Variants in IQSEC1 observed in about 807,000 individuals in gnomAD.
IQSEC1 encodes IQ motif and Sec7 domain ArfGEF 1.
Under a neutral mutation model 91.0 loss-of-function variants are expected in IQSEC1, and 31 were observed. That is an observed-to-expected ratio of 0.34 (90% CI 0.26 to 0.46). The LOEUF is 0.46. IQSEC1 is among the 20% of genes least tolerant of loss of function. The pLI, the probability that IQSEC1 is intolerant of heterozygous loss-of-function variation, is 1.00. For missense variants in IQSEC1, 1,388 were observed against 1,575.6 expected, an observed-to-expected ratio of 0.88 and a Z score of 2.02; for synonymous variants, 699 against 662.6, an observed-to-expected ratio of 1.05 and a Z score of -0.84.
intron 1 of IQSEC1, among the ~76,000 whole-genome samples, chr3:13,222,673 C>T (rs1452963405): frequency 2.6e-5 from 4 of 152,204 alleles, no homozygotes; most frequent in Non-Finnish European, 5.9e-5. Flanking sequence ...GGGCCAAGCT[C>T]GGTGGTAGAG....
At chr3:13,227,914 C>G (rs1352281238) in intron 1 of IQSEC1, among the ~76,000 whole-genome samples, 1 of 152,170 alleles carries the variant, frequency 6.6e-6, no homozygotes, top group Admixed American at 6.5e-5. Flanking sequence ...GGATCCTCAG[C>G]CTGGATGCTG....
chr3:13,167,645 A>G (rs932756928), intron 1 of IQSEC1, among the ~76,000 whole-genome samples: 8 of 152,138 alleles, frequency 5.3e-5, no homozygotes, highest in African/African-American at 1.9e-4. Flanking sequence ...GGACAAGGAG[A>G]GTCTCTGGCT....
upstream of IQSEC1, among the ~76,000 whole-genome samples, chr3:13,077,837 CT>C (rs1705586828): frequency 6.6e-6 from 1 of 152,260 alleles, no homozygotes; most frequent in Admixed American, 6.5e-5. Context: ...AGATCAGACC[CT>C]GGCCCTATAA....
chr3:13,237,375 C>A (rs1437112526), intron 1 of IQSEC1, among the ~76,000 whole-genome samples: 1 of 152,236 alleles, frequency 6.6e-6, no homozygotes, highest in Non-Finnish European at 1.5e-5. Context: ...CCAAGCAACA[C>A]TGGCCTCCAC....
chr3:13,139,074 A>G (rs1706758186), intron 2 of IQSEC1, among the ~76,000 whole-genome samples: 1 of 152,114 alleles, frequency 6.6e-6, no homozygotes, highest in South Asian at 2.1e-4. Flanking sequence ...GTCCCATGGA[A>G]TAAATGGCTT....
chr3:12,964,870 C>G (rs928349224), intron 1 of IQSEC1, among the ~76,000 whole-genome samples: 3 of 152,220 alleles, frequency 2.0e-5, no homozygotes, highest in Admixed American at 6.5e-5. Flanking sequence ...TCCTGCAGCC[C>G]TGGGTACCCT....
At chr3:13,151,271 G>A (rs1306106667) in intron 2 of IQSEC1, among the ~76,000 whole-genome samples, 1 of 152,186 alleles carries the variant, frequency 6.6e-6, no homozygotes, top group Non-Finnish European at 1.5e-5. Context: ...GGGAGCCCCT[G>A]TCACAGCCCC....
chr3:13,112,717 G>A (rs1230531628), intron 2 of IQSEC1, among the ~76,000 whole-genome samples: 1 of 152,238 alleles, frequency 6.6e-6, no homozygotes, highest in African/African-American at 2.4e-5. Flanking sequence ...TGCAGCTTTG[G>A]GTACGGGGGC....
At chr3:13,263,426 TTGG>T (rs1559288962) in intron 1 of IQSEC1, among the ~76,000 whole-genome samples, 47 of 101,538 alleles carry the variant, frequency 4.6e-4, no homozygotes, top group African/African-American at 1.6e-3. Context: ...ACTTTTTTTT[TTGG>T]GGGGGGGGGG....
At position 13,214,941 on chromosome 3, in the gene IQSEC1, C is replaced by A. The variant is rs1694516405; in HGVS notation, c.273-50808G>T. ...GTGAACGGATGAGTGGAATTTACTGCACCCATAAGTAGAATCTTGAGCCCT... is the reference window on the plus strand; with the variant it reads ...GTGAACGGATGAGTGGAATTTACTGAACCCATAAGTAGAATCTTGAGCCCT... On this transcript the variant is annotated intron_variant, in intron 1 of 15. Coordinates refer to the IQSEC1 transcript ENST00000648114. This position sits in a 1 kb window ranked among gnomAD's most constrained non-coding sequence, Gnocchi z 4.5. 6.6e-6 allele frequency among the ~76,000 whole-genome samples: 1 copy of A among 152,334 alleles called. No homozygotes were observed. Among genetic ancestry groups the A allele is most frequent in the African/African-American group, 2.4e-5 (1 of 41,574 alleles).
chr3:13,015,058 G>T (rs1024868721), intron 1 of IQSEC1, among the ~76,000 whole-genome samples: 1 of 152,200 alleles, frequency 6.6e-6, no homozygotes, highest in African/African-American at 2.4e-5. Context: ...TAGGGTTGAG[G>T]GGGGCAGCAG....
intron 2 of IQSEC1, among the ~76,000 whole-genome samples, chr3:13,145,645 G>C (rs918193510): frequency 6.6e-6 from 1 of 152,172 alleles, no homozygotes; most frequent in Non-Finnish European, 1.5e-5. Context: ...GAAGAAGGCG[G>C]AGCGGGGTGG....
intron 2 of IQSEC1, among the ~76,000 whole-genome samples, chr3:13,154,406 T>A (rs357163): frequency 1.9e-5 from 2 of 104,340 alleles, no homozygotes; most frequent in African/African-American, 3.9e-5. Context: ...CTGCCTGACA[T>A]GGAAACACAC....
At chr3:13,134,558 G>A (rs932421562) in intron 2 of IQSEC1, among the ~76,000 whole-genome samples, 3 of 152,232 alleles carry the variant, frequency 2.0e-5, no homozygotes, top group African/African-American at 4.8e-5. Context: ...TCCGCAGCGC[G>A]AGCCCAGATC....
intron 1 of IQSEC1, among the ~76,000 whole-genome samples, chr3:13,200,612 C>A (rs527374207): frequency 6.6e-6 from 1 of 152,228 alleles, no homozygotes; most frequent in Non-Finnish European, 1.5e-5. Flanking sequence ...TGACTCCTGA[C>A]GGACAGGCAG....
chr3:13,053,528 G>T (rs1704769328), intron 1 of IQSEC1, among the ~76,000 whole-genome samples: 1 of 152,238 alleles, frequency 6.6e-6, no homozygotes, highest in African/African-American at 2.4e-5. Context: ...AGACGGAATG[G>T]GAGGAAAAGG....
chr3:13,194,050 T>C (rs189811415), intron 1 of IQSEC1, among the ~76,000 whole-genome samples: 1 of 152,300 alleles, frequency 6.6e-6, no homozygotes, highest in East Asian at 1.9e-4. Flanking sequence ...GTCTTCCCTC[T>C]GTGTGTGTCT....
chr3:13,002,505 C>G (rs1324449524), intron 1 of IQSEC1, among the ~76,000 whole-genome samples: 1 of 149,384 alleles, frequency 6.7e-6, no homozygotes, highest in African/African-American at 2.5e-5. Context: ...CATGATCATG[C>G]CATTGTATTC....
intron 1 of IQSEC1, among the ~76,000 whole-genome samples, chr3:13,195,585 A>G (rs1368562273): frequency 6.6e-6 from 1 of 152,240 alleles, no homozygotes; most frequent in Non-Finnish European, 1.5e-5. Flanking sequence ...GACAGAAGCC[A>G]AGGACATTTA....
Sources: allele counts gnomAD v4.1 joint callset (sites outside exome capture counted in the v4.1 genomes callset), GRCh38; gene constraint gnomAD v4.1.1; non-coding constraint Gnocchi (gnomAD v3.1); transcripts MANE v1.5; gene names NCBI Gene and HGNC (gene_info 2026-07-23, HGNC 2026-07-21).